Variants in ATP2C1 observed in about 807,000 individuals in gnomAD.
ATP2C1 encodes the protein ATPase secretory pathway Ca2+ transporting 1.
ATP2C1 carries 31 observed loss-of-function variants against 120.5 expected under a neutral mutation model. The observed-to-expected ratio is 0.26, with a 90% confidence interval of 0.19 to 0.35. ATP2C1 has a LOEUF of 0.35. ATP2C1 is among the 10% of genes least tolerant of loss of function. The pLI is 1.00. For missense variants in ATP2C1, 731 were observed against 1,107.5 expected, an observed-to-expected ratio of 0.66 and a Z score of 4.83; for synonymous variants, 351 against 358.7, an observed-to-expected ratio of 0.98 and a Z score of 0.24.
intron 1 of ATP2C1, chr3:130,855,734 A>G (rs897071430): frequency 6.6e-6 from 1 of 152,338 alleles, no homozygotes; most frequent in Middle Eastern, 3.4e-3. Context: ...CTGAGGGTCA[A>G]CTTGTCAACT....
At chr3:130,981,810 A>G (rs879028267) in intron 20 of ATP2C1, among the ~76,000 whole-genome samples, 3 of 152,208 alleles carry the variant, frequency 2.0e-5, no homozygotes, top group Admixed American at 1.3e-4. Flanking sequence ...ACAACTAGTG[A>G]TGTTGAATAT....
At chr3:131,006,802 G>T (rs1035582817), downstream of ATP2C1, among the ~76,000 whole-genome samples, 11 of 151,508 alleles carry the variant, frequency 7.3e-5, no homozygotes, top group African/African-American at 2.4e-4. Flanking sequence ...AGCTGGGACT[G>T]CAGGTGCATG....
intron 26 of ATP2C1, among the ~76,000 whole-genome samples, chr3:131,012,370 G>A (rs889844121): frequency 2.7e-5 from 4 of 146,912 alleles, no homozygotes; most frequent in Admixed American, 7.1e-5. Flanking sequence ...CAGTTCTCCC[G>A]CCTCAGCCTC....
At chr3:130,906,959 A>C (rs1337883063) in intron 2 of ATP2C1, among the ~76,000 whole-genome samples, 1 of 152,016 alleles carries the variant, frequency 6.6e-6, no homozygotes, top group African/African-American at 2.4e-5. Context: ...AGGAAGTGTG[A>C]TGTGCTTATT....
chr3:130,968,941 G>A (rs1210487774), intron 16 of ATP2C1, among the ~76,000 whole-genome samples: 1 of 152,114 alleles, frequency 6.6e-6, no homozygotes, highest in East Asian at 1.9e-4. Context: ...AACTTCTATT[G>A]ATCATAAAAA....
chr3:130,908,533 A>C (rs2058249006), intron 2 of ATP2C1, among the ~76,000 whole-genome samples: 1 of 152,056 alleles, frequency 6.6e-6, no homozygotes, highest in South Asian at 2.1e-4. Context: ...GGCAGTATAC[A>C]CAGAAATAGT....
rs190484135 is a variant in ATP2C1 at position 130,951,367 on chromosome 3, A to C, written c.532-2454A>C. 7.9e-5 allele frequency among the ~76,000 whole-genome samples: 12 copies of C among 152,276 alleles called. No individual in the cohort carries two copies. In the East Asian group the frequency reaches 2.3e-3, roughly 29 times the overall value. On this transcript the variant is annotated intron_variant, in intron 8 of 27. Transcript: ENST00000510168. Reference sequence around the variant, plus strand: ...AGTTACTTAACCTTTCAGTGCCTGTAAAACAGATAATAATAGTAATTACTT... The same window carrying C: ...AGTTACTTAACCTTTCAGTGCCTGTCAAACAGATAATAATAGTAATTACTT...
At chr3:130,889,638 C>CTTTTTTTT (rs1170424148), upstream of ATP2C1, among the ~76,000 whole-genome samples, 3 of 77,648 alleles carry the variant, frequency 3.9e-5, no homozygotes, top group African/African-American at 1.8e-4. Context: ...ATTCTTTAAA[C>CTTTTTTTT]TTTTTTTTTT....
At chr3:130,999,224 T>G (rs1229289396) in intron 26 of ATP2C1, among the ~76,000 whole-genome samples, 1 of 152,200 alleles carries the variant, frequency 6.6e-6, no homozygotes, top group Non-Finnish European at 1.5e-5. Flanking sequence ...AAATAAAGTT[T>G]CTTGATGTTT....
chr3:130,856,607 A>G (rs1204372222), intron 1 of ATP2C1, among the ~76,000 whole-genome samples: 1 of 152,214 alleles, frequency 6.6e-6, no homozygotes, highest in East Asian at 1.9e-4. Flanking sequence ...ATGATATTTG[A>G]GGGGAAACTA....
At chr3:130,973,505 T>C (rs1229786294) in intron 17 of ATP2C1, among the ~76,000 whole-genome samples, 3 of 152,150 alleles carry the variant, frequency 2.0e-5, no homozygotes, top group Non-Finnish European at 2.9e-5. Flanking sequence ...CGTGTTTTTT[T>C]CGATCCGGTA....
In ATP2C1 at chr3:130,885,080, C is replaced by T. The variant is rs556065198; in HGVS notation, c.108+34152C>T. Among the ~76,000 whole-genome samples, 4 of 151,980 alleles carry T rather than the reference C, an allele frequency of 2.6e-5. No homozygotes were observed. In the South Asian group the frequency reaches 6.3e-4, roughly 24 times the overall value. On this transcript the variant is annotated intron_variant, in intron 1 of 26. Transcript: ENST00000504381. Reference sequence around the variant, plus strand: ...TCTGGAGTAGCTGGGATTACAGGCACCTGCGACAACGCCCAGCTAATTTTT... The same window carrying T: ...TCTGGAGTAGCTGGGATTACAGGCATCTGCGACAACGCCCAGCTAATTTTT...
At chr3:130,972,458 T>C (rs1355525903) in intron 17 of ATP2C1, among the ~76,000 whole-genome samples, 1 of 151,706 alleles carries the variant, frequency 6.6e-6, no homozygotes, top group Non-Finnish European at 1.5e-5. Context: ...TTCTAGTCTT[T>C]TAGTTTCTTC....
chr3:130,864,748 G>A (rs1230369051), intron 1 of ATP2C1, among the ~76,000 whole-genome samples: 1 of 152,242 alleles, frequency 6.6e-6, no homozygotes, highest in Non-Finnish European at 1.5e-5. Context: ...GTGTTGTTGA[G>A]CCTGTGAATG....
At chr3:130,937,540 C>T in intron 6 of ATP2C1, 77 bp downstream of exon 6, 1 of 1,229,356 alleles carries the variant, frequency 8.1e-7, no homozygotes, top group East Asian at 2.3e-5. Flanking sequence ...GTAGAACCTA[C>T]CGTTATTGGG....
downstream of ATP2C1, among the ~76,000 whole-genome samples, chr3:131,006,021 A>G (rs1433488005): frequency 1.3e-5 from 2 of 152,162 alleles, no homozygotes; most frequent in African/African-American, 4.8e-5. Flanking sequence ...ACGTAAGGAA[A>G]CCCCAATGAG....
At chr3:130,882,001 AAAT>A (rs1445065579) in intron 1 of ATP2C1, among the ~76,000 whole-genome samples, 1 of 152,208 alleles carries the variant, frequency 6.6e-6, no homozygotes, top group African/African-American at 2.4e-5. Context: ...CTGCAAATAA[AAAT>A]AATGAAACTT....
Position 131,001,782 on chromosome 3 carries a change from A to G in ATP2C1, c.*432A>G, listed in dbSNP as rs1170483395. On this transcript the variant is annotated 3_prime_UTR_variant, in exon 28 of 28. Coordinates refer to ENST00000510168, the MANE Select transcript of ATP2C1 (RefSeq NM_001378687.1). ...AATTTAATCATTTCAAAGGCATTCT[A>G]TTTGGTTTAGAAGTTGATTCCCAGG... is the stretch of plus-strand genomic sequence containing the variant. 5 of 984,348 alleles carry G rather than the reference A, an allele frequency of 5.1e-6. No individual in the cohort carries two copies. The highest frequency in any genetic ancestry group is 4.7e-5 in the South Asian group (1 of 21,258). The allele number at this position is 984,348 out of a possible 1,614,324, so 61.0% of individuals were successfully genotyped here. A position where few individuals can be genotyped will look rare whatever the true frequency, so the allele number is the denominator to read the frequency against.
intron 19 of ATP2C1, 53 bp from the exon 20 acceptor site, chr3:130,980,529 C>A: frequency 7.6e-7 from 1 of 1,315,380 alleles, no homozygotes; most frequent in Non-Finnish European, 1.1e-6. Context: ...GTTGACTAGC[C>A]TGTCAAGCAA....
Sources: allele counts gnomAD v4.1 joint callset (sites outside exome capture counted in the v4.1 genomes callset), GRCh38; gene constraint gnomAD v4.1.1; transcripts MANE v1.5; gene names NCBI Gene and HGNC (gene_info 2026-07-23, HGNC 2026-07-21).